FHL5: variants seen among roughly 807,000 people sequenced by gnomAD.
The protein encoded by FHL5 is four and a half LIM domains 5, also known as four and a half LIM domains protein 5.
A neutral mutation model predicts 32.0 loss-of-function variants in FHL5; 33 were observed. That is an observed-to-expected ratio of 1.03 (90% CI 0.78 to 1.38). The LOEUF is 1.38. FHL5 is among the 40% of genes most tolerant of loss of function. The probability of loss-of-function intolerance (pLI) is 0.00; values close to 1 mark genes in which losing one functional copy is unlikely to be tolerated. For synonymous variants in FHL5, 114 were observed against 113.6 expected (o/e 1.00, Z -0.02); for missense variants, 336 against 343.9 (o/e 0.98, Z 0.18).
chr6:96,605,868 C>T, intron 3 of FHL5, 34 bp from the exon 4 acceptor site: 1 of 1,581,780 alleles, frequency 6.3e-7, no homozygotes, highest in Non-Finnish European at 8.6e-7. Flanking sequence ...TTATGCTTGA[C>T]TTATACTAAC....
intron 1 of FHL5, among the ~76,000 whole-genome samples, chr6:96,600,160 C>T (rs1024477912): frequency 5.3e-5 from 8 of 152,168 alleles, no homozygotes; most frequent in African/African-American, 1.9e-4. Flanking sequence ...AAAATTCATA[C>T]TCTTACCTTC....
At chr6:96,570,747 G>T (rs1344020102) in intron 1 of FHL5, among the ~76,000 whole-genome samples, 1 of 151,932 alleles carries the variant, frequency 6.6e-6, no homozygotes. Flanking sequence ...TAAGTTCAGA[G>T]ATTCTTTTTT....
intron 1 of FHL5, among the ~76,000 whole-genome samples, chr6:96,571,952 T>G (rs1582457319): frequency 6.6e-6 from 1 of 151,992 alleles, no homozygotes; most frequent in African/African-American, 2.4e-5. Flanking sequence ...GTTCCCTGGG[T>G]GACAGGTGGG....
chr6:96,604,213 C>T (rs959376656), intron 2 of FHL5, among the ~76,000 whole-genome samples: 1 of 152,108 alleles, frequency 6.6e-6, no homozygotes, highest in African/African-American at 2.4e-5. Context: ...ATACCTCTCA[C>T]ACCTACCACC....
At chr6:96,584,461 TTGTGTGTGTG>T (rs781665593) in intron 1 of FHL5, among the ~76,000 whole-genome samples, 1 of 85,308 alleles carries the variant, frequency 1.2e-5, no homozygotes, top group East Asian at 3.5e-4. Flanking sequence ...GTGTGTGTGT[TTGTGTGTGTG>T]TGTGTGTGTG....
intron 1 of FHL5, among the ~76,000 whole-genome samples, chr6:96,567,874 A>G (rs1285238879): frequency 9.7e-6 from 1 of 103,246 alleles, no homozygotes; most frequent in Non-Finnish European, 2.0e-5. Context: ...TCTGTTTATC[A>G]GTTCTGAGAT....
Position 96,605,805 on chromosome 6 carries a change from T to C in FHL5, c.335-97T>C, listed in dbSNP as rs913178453. On this transcript the variant is annotated intron_variant, in intron 3 of 5. Transcript: ENST00000450218. ...CTAAAAGGACAATTCATTTATCATC[T>C]TAACTTAAAACGTTTTTAAGTAATT... is the stretch of plus-strand genomic sequence containing the variant. The C allele has an allele frequency of 8.0e-6, 8 of 1,005,974 alleles. No homozygotes were observed. The African/African-American group carries it at 1.3e-4, about 17-fold the overall frequency. The allele number at this position is 1,005,974 out of a possible 1,614,324, so 62.3% of individuals were successfully genotyped here. A position where few individuals can be genotyped will look rare whatever the true frequency, so the allele number is the denominator to read the frequency against.
In FHL5 at chr6:96,606,078, T is replaced by G; in HGVS notation, c.504+7T>G. ...CTGCAACTTTTGTAAGAAGGTAATT[T>G]TCTAAAGAGGGTGAAGCTTGTGGAA... On this transcript the variant is annotated splice_region_variant and intron_variant, in intron 4 of 5. Transcript: ENST00000450218. The G allele has an allele frequency of 6.2e-7, 1 of 1,612,478 alleles. No homozygotes were observed. The highest frequency in any genetic ancestry group is 8.5e-7 in the Non-Finnish European group (1 of 1,178,712).
intron 4 of FHL5, among the ~76,000 whole-genome samples, chr6:96,610,161 A>G (rs2127974883): frequency 6.6e-6 from 1 of 152,308 alleles, no homozygotes; most frequent in South Asian, 2.1e-4. Flanking sequence ...CAGATCTTTA[A>G]AAACCAAAAT....
chr6:96,586,408 G>A (rs1770798069), intron 1 of FHL5, among the ~76,000 whole-genome samples: 1 of 152,120 alleles, frequency 6.6e-6, no homozygotes, highest in Non-Finnish European at 1.5e-5. Context: ...TGTCTGAAAA[G>A]GATCTAGTTT....
chr6:96,582,079 T>C (rs1451387466), intron 1 of FHL5, among the ~76,000 whole-genome samples: 1 of 152,166 alleles, frequency 6.6e-6, no homozygotes, highest in Admixed American at 6.6e-5. Context: ...AAACAAGCCT[T>C]TGAGGAGACC....
rs1198478453 is a variant in FHL5, at chr6:96,616,889, G to A, written c.*1117G>A. ...AAAGCAGCACAATAGAGTAATGTGG[G>A]CTGTAGGCGAGCCCTCCCCACTCTT... On this transcript the variant is annotated 3_prime_UTR_variant, in exon 6 of 6. Transcript: ENST00000450218. Among the ~76,000 whole-genome samples the A allele has an allele frequency of 6.6e-6, 1 of 150,832 alleles. No individual in the cohort carries two copies. Among genetic ancestry groups the A allele is most frequent in the Non-Finnish European group, 1.5e-5 (1 of 67,814 alleles).
chr6:96,604,829 C>T lies in FHL5; in HGVS notation c.239C>T (p.Pro80Leu). 2 of 1,614,024 alleles carry T rather than the reference C, an allele frequency of 1.2e-6. No individual in the cohort carries two copies. The highest frequency in any genetic ancestry group is 1.7e-6 in the Non-Finnish European group (2 of 1,179,908). ...TKCNHSLVEK[P>L]FAAKDERLLC... The stretch of plus-strand genomic sequence containing the variant: ...TGCAATCACTCTTTGGTGGAAAAGC[C>T]TTTTGCTGCCAAGGATGAGCGCCTG... Residue 80 changes from proline (P) to leucine (L), a missense_variant, in exon 3 of 6, where the codon CCT (proline) becomes CTT (leucine). Coordinates refer to ENST00000450218, the MANE Select transcript of FHL5 (RefSeq NM_001322466.2).
At chr6:96,609,652 G>A (rs918596175) in intron 4 of FHL5, among the ~76,000 whole-genome samples, 1 of 152,200 alleles carries the variant, frequency 6.6e-6, no homozygotes, top group African/African-American at 2.4e-5. Context: ...CCCACTGCTA[G>A]ATACAATATT....
intron 1 of FHL5, 42 bp from the exon 2 acceptor site, chr6:96,603,560 A>C: frequency 6.9e-7 from 1 of 1,448,666 alleles, no homozygotes; most frequent in East Asian, 2.3e-5. Flanking sequence ...CCTATAAACA[A>C]AATTCTGCTT....
At chr6:96,599,256 T>C (rs978955241) in intron 1 of FHL5, among the ~76,000 whole-genome samples, 1 of 146,294 alleles carries the variant, frequency 6.8e-6, no homozygotes, top group Non-Finnish European at 1.5e-5. Context: ...AGTGCAATGG[T>C]GCGATCTAGG....
chr6:96,570,651 A>G (rs1316551075), intron 1 of FHL5, among the ~76,000 whole-genome samples: 1 of 152,144 alleles, frequency 6.6e-6, no homozygotes, highest in African/African-American at 2.4e-5. Context: ...ATGTTTTCCA[A>G]TAAGTCTTAT....
chr6:96,590,793 A>AT (rs1184047447), intron 1 of FHL5, among the ~76,000 whole-genome samples: 1 of 152,108 alleles, frequency 6.6e-6, no homozygotes, highest in Non-Finnish European at 1.5e-5. Context: ...TTAATCATAA[A>AT]TTGAAGTAAG....
At chr6:96,600,589 A>G (rs986580772) in intron 1 of FHL5, among the ~76,000 whole-genome samples, 1 of 152,098 alleles carries the variant, frequency 6.6e-6, no homozygotes, top group Non-Finnish European at 1.5e-5. Flanking sequence ...TTTCTATTAT[A>G]ATAGTTCTCT....
Sources: allele counts gnomAD v4.1 joint callset (sites outside exome capture counted in the v4.1 genomes callset), GRCh38; gene constraint gnomAD v4.1.1; transcripts MANE v1.5; gene names NCBI Gene and HGNC (gene_info 2026-07-23, HGNC 2026-07-21).